VPS8: variants seen among roughly 807,000 people sequenced by gnomAD.
The protein encoded by VPS8 is vacuolar protein sorting-associated protein 8 homolog.
VPS8 carries 129 observed loss-of-function variants against 216.4 expected under a neutral mutation model. That is an observed-to-expected ratio of 0.60 (90% CI 0.52 to 0.69). VPS8 has a LOEUF of 0.69. VPS8 is among the 30% of genes least tolerant of loss of function. VPS8 has a pLI of 0.00. For synonymous variants in VPS8, 571 were observed against 565.4 expected (o/e 1.01, Z -0.14); for missense variants, 1,531 against 1,683.5 (o/e 0.91, Z 1.59).
chr3:184,864,566 G>A (rs191179240), intron 16 of VPS8, among the ~76,000 whole-genome samples: 1 of 152,312 alleles, frequency 6.6e-6, no homozygotes. Context: ...AACAGTGCTT[G>A]TTACACCAGC....
chr3:184,820,937 C>T (rs750849430), intron 1 of VPS8, among the ~76,000 whole-genome samples: 1 of 152,216 alleles, frequency 6.6e-6, no homozygotes, highest in Non-Finnish European at 1.5e-5. Flanking sequence ...AAACCCCTAT[C>T]ATTCAGCTCA....
chr3:184,954,737 C>T (rs751733565), intron 36 of VPS8, among the ~76,000 whole-genome samples: 5 of 151,878 alleles, frequency 3.3e-5, no homozygotes, highest in African/African-American at 4.8e-5. Context: ...TTTTTGTGGG[C>T]GAAAGATTAC....
intron 4 of VPS8, among the ~76,000 whole-genome samples, chr3:184,833,174 G>A (rs1047847409): frequency 6.6e-6 from 1 of 152,028 alleles, no homozygotes; most frequent in African/African-American, 2.4e-5. Flanking sequence ...CCTGTCATCC[G>A]CATTCTCTAA....
intron 47 of VPS8, among the ~76,000 whole-genome samples, chr3:185,050,558 C>T (rs1299220118): frequency 1.3e-5 from 2 of 152,222 alleles, no homozygotes; most frequent in Non-Finnish European, 2.9e-5. Flanking sequence ...GAGGGCACCT[C>T]GAAGACATGG....
intron 45 of VPS8, among the ~76,000 whole-genome samples, chr3:185,005,310 T>C (rs1031959795): frequency 6.6e-6 from 1 of 152,218 alleles, no homozygotes; most frequent in Non-Finnish European, 1.5e-5. Flanking sequence ...GGTAATGTGA[T>C]GCCTCCAGAT....
intron 1 of VPS8, among the ~76,000 whole-genome samples, chr3:184,821,346 C>CT (rs755440244): frequency 0.056 from 8,094 of 143,922 alleles, 662 homozygotes; most frequent in African/African-American, 0.19. Context: ...TTCTTCTCTA[C>CT]TTTTTTTTTT....
chr3:184,894,935 T>G lies in VPS8; in HGVS notation c.2004+10T>G. 6.3e-7 allele frequency: 1 copy of G among 1,584,992 alleles called. No homozygotes were observed. The highest frequency in any genetic ancestry group is 1.1e-5 in the South Asian group (1 of 87,550). The stretch of plus-strand genomic sequence containing the variant: ...CCTAGATATTCAGCAGGTGAGTTTA[T>G]AGACAGTCTACTAACTTATGAAATA... On this transcript the variant is annotated intron_variant, in intron 23 of 47. Transcript: ENST00000625842.
chr3:185,000,541 A>G (rs776033175), intron 45 of VPS8, among the ~76,000 whole-genome samples: 49 of 150,610 alleles, frequency 3.3e-4, no homozygotes, highest in African/African-American at 6.6e-4. Flanking sequence ...GTGCTACCCT[A>G]TCCTATAGTT....
intron 25 of VPS8, 117 bp downstream of exon 25, chr3:184,901,089 A>T (rs1313355225): frequency 1.1e-5 from 9 of 850,190 alleles, no homozygotes; most frequent in South Asian, 1.6e-5. Context: ...ATGTACAGTC[A>T]TGTAACACCA....
chr3:184,976,248 A>G (rs1347077067), intron 40 of VPS8, among the ~76,000 whole-genome samples: 3 of 152,078 alleles, frequency 2.0e-5, no homozygotes, highest in African/African-American at 7.2e-5. Context: ...TTTATAACAC[A>G]TTCTTTTCTG....
chr3:184,924,996 G>A lies in VPS8; in HGVS notation c.2574+15G>A. ...TTTTTGATCAGGTAAGTGTCTAGCA[G>A]TGAAAACTAAAAGGTTTTTTCCTGT... On this transcript the variant is annotated intron_variant, in intron 30 of 47. Transcript: ENST00000625842. 1 of 1,609,336 alleles carries A rather than the reference G, an allele frequency of 6.2e-7. No individual in the cohort carries two copies.
At chr3:185,012,242 T>G (rs1237225327) in intron 45 of VPS8, among the ~76,000 whole-genome samples, 1 of 148,110 alleles carries the variant, frequency 6.8e-6, no homozygotes, top group East Asian at 1.9e-4. Flanking sequence ...AATGTATAAA[T>G]TAGATATTTA....
chr3:184,995,708 CT>C (rs1473895455), intron 43 of VPS8, among the ~76,000 whole-genome samples: 1 of 152,116 alleles, frequency 6.6e-6, no homozygotes, highest in Non-Finnish European at 1.5e-5. Context: ...TACATAGAGC[CT>C]TAAAATGACT....
At chr3:184,979,301 G>C (rs9825229) in intron 40 of VPS8, among the ~76,000 whole-genome samples, 2,617 of 152,284 alleles carry the variant, frequency 0.017, 80 homozygotes, top group African/African-American at 0.06. Context: ...ATGTTCTGCA[G>C]ATGTCACTTA....
Position 184,824,682 on chromosome 3 carries a change from AGAC to A in VPS8, c.53_55del (p.Thr18del). On this transcript the variant is annotated inframe_deletion, in exon 2 of 48. Transcript: ENST00000625842. ...AATGTGGAACAGAGCCTCTGTGCCA[AGAC>A]GAGCGAAGAAGAGCTGAATAAGTCT... The A allele has an allele frequency of 6.2e-7, 1 of 1,614,014 alleles. No individual in the cohort carries two copies. Among genetic ancestry groups the A allele is most frequent in the Non-Finnish European group, 8.5e-7 (1 of 1,179,882 alleles).
chr3:185,024,877 C>G (rs959252789), intron 46 of VPS8, among the ~76,000 whole-genome samples: 1 of 152,060 alleles, frequency 6.6e-6, no homozygotes, highest in Non-Finnish European at 1.5e-5. Flanking sequence ...TGGTGCATGC[C>G]TGTAATCCCA....
chr3:184,967,210 C>T (rs917694284), intron 39 of VPS8, among the ~76,000 whole-genome samples: 7 of 152,158 alleles, frequency 4.6e-5, no homozygotes, highest in African/African-American at 1.7e-4. Flanking sequence ...GTGATCTGCA[C>T]ACCTCAGCCT....
rs748831448 is a variant in VPS8 at position 184,930,555 on chromosome 3, T to A, written c.2885T>A (p.Met962Lys). ...EEKQSVWQKA[M>K]DHIEELVSLK... ...AAGCAGTCTGTATGGCAGAAAGCAA[T>A]GGATCATATTGAGGTACTGATGCGC... Residue 962 changes from methionine (M) to lysine (K), a missense_variant, in exon 34 of 48, where the codon ATG becomes AAG. Met to Lys is a moderately conservative substitution (Grantham distance 95, BLOSUM62 -1). Coordinates refer to ENST00000625842, the MANE Select transcript of VPS8 (RefSeq NM_001009921.3). 6.2e-7 allele frequency: 1 copy of A among 1,612,510 alleles called. No homozygotes were observed. The highest frequency in any genetic ancestry group is 1.7e-5 in the Admixed American group (1 of 59,998).
Position 184,911,571 on chromosome 3 carries a change from C to T in VPS8, c.2147-1948C>T, listed in dbSNP as rs150528398. On this transcript the variant is annotated intron_variant, in intron 25 of 47. Coordinates refer to ENST00000625842, the MANE Select transcript of VPS8 (RefSeq NM_001009921.3). ...GAGTGGGCAAGAGGGAAAAGAGGAACAGTTAATTATGCATTTGTCTCATGC... is the reference window on the plus strand; with the variant it reads ...GAGTGGGCAAGAGGGAAAAGAGGAATAGTTAATTATGCATTTGTCTCATGC... 3.6e-3 allele frequency among the ~76,000 whole-genome samples: 550 copies of T among 152,316 alleles called. 3 individuals are homozygous for T. The highest frequency in any genetic ancestry group is 0.012 in the African/African-American group (493 of 41,568).
Sources: allele counts gnomAD v4.1 joint callset (sites outside exome capture counted in the v4.1 genomes callset), GRCh38; gene constraint gnomAD v4.1.1; transcripts MANE v1.5; gene names NCBI Gene and HGNC (gene_info 2026-07-23, HGNC 2026-07-21).